The following INTS2 variants were observed in gnomAD, a reference collection of about 807,000 sequenced individuals.
INTS2 encodes the protein KIAA1287.
A neutral mutation model predicts 139.6 loss-of-function variants in INTS2; 57 were observed. The observed-to-expected ratio is 0.41, with a 90% CI of 0.33 to 0.51. The LOEUF (loss-of-function observed/expected upper bound fraction) is 0.51, where lower values mean the gene tolerates loss of function less well. Ranked by LOEUF, INTS2 falls within the 20% of genes least tolerant of loss-of-function variation. The pLI is 0.28. For synonymous variants in INTS2, 473 were observed against 493.4 expected, an observed-to-expected ratio of 0.96 and a Z score of 0.55; for missense variants, 1,196 against 1,436.7, an observed-to-expected ratio of 0.83 and a Z score of 2.71.
Position 61,897,159 on chromosome 17 carries a change from A to T in INTS2, c.1494+310T>A, listed in dbSNP as rs529954855. 6.6e-6 allele frequency among the ~76,000 whole-genome samples: 1 copy of T among 152,290 alleles called. No individual in the cohort carries two copies. The highest frequency in any genetic ancestry group is 2.4e-5 in the African/African-American group (1 of 41,582). Reference sequence around the variant, plus strand: ...ATGCTCATCATATATTAATTTTTTTAAATCATCAAATATGTACGTCACTTT... The same window carrying T: ...ATGCTCATCATATATTAATTTTTTTTAATCATCAAATATGTACGTCACTTT... On this transcript the variant is annotated intron_variant, in intron 11 of 24. Transcript: ENST00000251334. The surrounding 1 kb of genome is among the most constrained non-coding windows in gnomAD (Gnocchi z 4.4).
At position 61,911,517 on chromosome 17, in the gene INTS2, C is replaced by T; in HGVS notation, c.954+3G>A. 6.2e-7 allele frequency: 1 copy of T among 1,613,684 alleles called. No homozygotes were observed. ...TTAGCCTATACAGATATTTAACCCT[C>T]ACCTGCTGTCCATTTCGGATAAAAG... is the stretch of plus-strand genomic sequence containing the variant. On this transcript the variant is annotated splice_donor_region_variant and intron_variant, in intron 7 of 24. Coordinates refer to ENST00000251334, the MANE Select transcript of INTS2 (RefSeq NM_001351695.2).
At chr17:61,891,453 T>C (rs2079292699) in intron 14 of INTS2, 60 bp downstream of exon 14, 1 of 1,279,182 alleles carries the variant, frequency 7.8e-7, no homozygotes, top group Non-Finnish European at 1.1e-6. Context: ...AAAATATGGG[T>C]TAAGTAAGAA....
Position 61,909,500 on chromosome 17 carries a change from T to C in INTS2, c.955-1866A>G, listed in dbSNP as rs2079500718. 6.6e-6 allele frequency among the ~76,000 whole-genome samples: 1 copy of C among 152,288 alleles called. No homozygotes were observed. Among genetic ancestry groups the C allele is most frequent in the South Asian group, 2.1e-4 (1 of 4,824 alleles). ...GAAGTCTGGGCTGTTGGTGTAGTCA[T>C]CACCCTGATAGTATACCCTGTACCC... On this transcript the variant is annotated intron_variant, in intron 7 of 24. Coordinates refer to ENST00000251334, the MANE Select transcript of INTS2 (RefSeq NM_001351695.2). This position sits in a 1 kb window ranked among gnomAD's most constrained non-coding sequence, Gnocchi z 4.9.
intron 11 of INTS2, among the ~76,000 whole-genome samples, chr17:61,896,635 A>G (rs2079352803): frequency 6.6e-6 from 1 of 152,234 alleles, no homozygotes; most frequent in African/African-American, 2.4e-5. Context: ...AGCTTTTCAC[A>G]AAAGAAATAA....
intron 3 of INTS2, among the ~76,000 whole-genome samples, chr17:61,923,344 G>A (rs563607874): frequency 9.2e-5 from 14 of 151,498 alleles, no homozygotes; most frequent in Middle Eastern, 3.4e-3. Context: ...AGGCATGGTG[G>A]CGGGCACCTG....
At position 61,893,373 on chromosome 17, in the gene INTS2, A is replaced by C. The variant is rs1033490335; in HGVS notation, c.1698+392T>G. ...CCTACAAACTGAAATACAACTGGGGAGAAAGCATTAATTTAGGTTGTTCTT... is the reference window on the plus strand; with the variant it reads ...CCTACAAACTGAAATACAACTGGGGCGAAAGCATTAATTTAGGTTGTTCTT... On this transcript the variant is annotated intron_variant, in intron 13 of 24. Transcript: ENST00000251334. The surrounding 1 kb of genome is among the most constrained non-coding windows in gnomAD (Gnocchi z 5.4). Among the ~76,000 whole-genome samples the C allele has an allele frequency of 1.3e-5, 2 of 152,126 alleles. No individual in the cohort carries two copies. The highest frequency in any genetic ancestry group is 4.8e-5 in the African/African-American group (2 of 41,430).
rs753355779 is a variant in INTS2 at position 61,872,451 on chromosome 17, T to TG, written c.2591dup (p.Leu865ThrfsTer17). 2.5e-6 allele frequency: 4 copies of TG among 1,569,270 alleles called. No individual in the cohort carries two copies. The highest frequency in any genetic ancestry group is 1.2e-5 in the South Asian group (1 of 83,660). ...ACATGTGTAGGGTAATATCCATCAG[T>TG]GGGGGGCATCTAAACAAGGAAAGCA... On this transcript the variant is annotated frameshift_variant, in exon 20 of 25. Transcript: ENST00000251334. LOFTEE classifies it high-confidence loss of function. The surrounding 1 kb of genome is among the most constrained non-coding windows in gnomAD (Gnocchi z 4.8).
rs1375551903 is a variant in INTS2 at position 61,871,875 on chromosome 17, C to A, written c.2778+390G>T. 1 of 153,092 alleles carries A rather than the reference C, an allele frequency of 6.5e-6. No individual in the cohort carries two copies. The highest frequency in any genetic ancestry group is 2.4e-5 in the African/African-American group (1 of 41,412). The allele number at this position is 153,092 out of a possible 1,614,324, so 9.5% of individuals were successfully genotyped here. On this transcript the variant is annotated intron_variant, in intron 20 of 24. Coordinates refer to ENST00000251334, the MANE Select transcript of INTS2 (RefSeq NM_001351695.2). This position sits in a 1 kb window ranked among gnomAD's most constrained non-coding sequence, Gnocchi z 4.9. ...CTTGAACCCGGGAGGCGGATGTTGC[C>A]ATGAGCCAAGATTACACCTCTGCAC... is the stretch of plus-strand genomic sequence containing the variant.
In INTS2 at chr17:61,875,024, G is replaced by A. The variant is rs770165247; in HGVS notation, c.2471C>T (p.Thr824Met). Residue 824 changes from threonine (T) to methionine (M), a missense_variant, in exon 19 of 25, where the codon ACG (threonine) becomes ATG (methionine). Around this residue, in one of 3 missense-constraint regions of INTS2, gnomAD observed 1,129 missense variants for 1,341.9 expected, o/e 0.84. Coordinates refer to ENST00000251334, the MANE Select transcript of INTS2 (RefSeq NM_001351695.2). This position sits in a 1 kb window ranked among gnomAD's most constrained non-coding sequence, Gnocchi z 4.6. ...TVMPRRLWVMTVNALQPSIKF... is the reference protein window; with the variant it reads ...TVMPRRLWVMMVNALQPSIKF... ...TATTGAAGGCTGAAGTGCATTAACC[G>A]TCATTACCCATAGCCTGATAAGAAA... 4.4e-6 allele frequency: 7 copies of A among 1,592,902 alleles called. No homozygotes were observed. Among genetic ancestry groups the A allele is most frequent in the East Asian group, 2.3e-5 (1 of 44,320 alleles).
chr17:61,879,670 G>A (rs1359530061), intron 17 of INTS2, among the ~76,000 whole-genome samples: 1 of 152,072 alleles, frequency 6.6e-6, no homozygotes, highest in Non-Finnish European at 1.5e-5. Context: ...GGGCAACATG[G>A]CAACCCTTTC....
chr17:61,912,048 A>AT lies in INTS2; in HGVS notation c.671dup (p.Asn224LysfsTer7). 6.2e-7 allele frequency: 1 copy of AT among 1,613,630 alleles called. No individual in the cohort carries two copies. The highest frequency in any genetic ancestry group is 8.5e-7 in the Non-Finnish European group (1 of 1,179,740). ...GACTTTCTTCATCTTGTCGTTCTCCATTTTTTATCAGGCCCCTACAAACTA... is the reference window on the plus strand; with the variant it reads ...GACTTTCTTCATCTTGTCGTTCTCCATTTTTTTATCAGGCCCCTACAAACTA... On this transcript the variant is annotated frameshift_variant, in exon 6 of 25. Transcript: ENST00000251334. LOFTEE classifies it high-confidence loss of function.
rs1490130599 is a variant in INTS2 at position 61,872,437 on chromosome 17, G to A, written c.2606C>T (p.Thr869Ile). The change falls in exon 20 of 25, where the codon ACC becomes ATC. Residue 869 changes from threonine to isoleucine, a missense_variant. Thr to Ile is a moderately conservative substitution (Grantham distance 89, BLOSUM62 -1). Transcript: ENST00000251334. The surrounding 1 kb of genome is among the most constrained non-coding windows in gnomAD (Gnocchi z 4.8). The stretch of plus-strand genomic sequence containing the variant: ...AAGATATCCATTCAACATGTGTAGG[G>A]TAATATCCATCAGTGGGGGGCATCT... ...VHRCPPLMDITLHMLNGYLLA... is the reference protein window; with the variant it reads ...VHRCPPLMDIILHMLNGYLLA... 1 of 1,597,176 alleles carries A rather than the reference G, an allele frequency of 6.3e-7. No individual in the cohort carries two copies. The highest frequency in any genetic ancestry group is 8.6e-7 in the Non-Finnish European group (1 of 1,168,834).
intron 13 of INTS2, among the ~76,000 whole-genome samples, chr17:61,892,953 C>CAAAAA (rs58426330): frequency 6.8e-5 from 3 of 44,162 alleles, no homozygotes; most frequent in African/African-American, 1.0e-4. Flanking sequence ...GACTCCATCT[C>CAAAAA]AAAAAAAAAA....
Position 61,893,695 on chromosome 17 carries a change from A to T in INTS2, c.1698+70T>A. Reference sequence around the variant, plus strand: ...GGGTGACTGAGCAAGACTCCATCTCAAAAGAAAAAAAATATATATATAAAA... The same window carrying T: ...GGGTGACTGAGCAAGACTCCATCTCTAAAGAAAAAAAATATATATATAAAA... On this transcript the variant is annotated intron_variant, in intron 13 of 24. Coordinates refer to ENST00000251334, the MANE Select transcript of INTS2 (RefSeq NM_001351695.2). This position sits in a 1 kb window ranked among gnomAD's most constrained non-coding sequence, Gnocchi z 5.4. 1 of 1,225,052 alleles carries T rather than the reference A, an allele frequency of 8.2e-7. No individual in the cohort carries two copies. The highest frequency in any genetic ancestry group is 1.1e-6 in the Non-Finnish European group (1 of 940,578). The allele number at this position is 1,225,052 out of a possible 1,614,324, so 75.9% of individuals were successfully genotyped here.
At chr17:61,883,821 AT>A (rs1327806795) in intron 16 of INTS2, among the ~76,000 whole-genome samples, 2 of 151,826 alleles carry the variant, frequency 1.3e-5, no homozygotes, top group Admixed American at 1.3e-4. Context: ...ACACTCAAAC[AT>A]TAAAGAGGTA....
chr17:61,874,211 T>C (rs1051592237), intron 19 of INTS2: 4 of 152,198 alleles, frequency 2.6e-5, no homozygotes, highest in Non-Finnish European at 5.9e-5. Flanking sequence ...ACATTACCCA[T>C]GTCCCATCTC....
At position 61,871,159 on chromosome 17, in the gene INTS2, C is replaced by T. The variant is rs924638894; in HGVS notation, c.2778+1106G>A. On this transcript the variant is annotated intron_variant, in intron 20 of 24. Coordinates refer to ENST00000251334, the MANE Select transcript of INTS2 (RefSeq NM_001351695.2). The surrounding 1 kb of genome is among the most constrained non-coding windows in gnomAD (Gnocchi z 4.9). ...TTGTTGAGATGGAGTCTCGCTCTGT[C>T]GCCCAGGCTGTAGTGCAGAGGCACG... Among the ~76,000 whole-genome samples, 1 of 152,092 alleles carries T rather than the reference C, an allele frequency of 6.6e-6. No homozygotes were observed. Among genetic ancestry groups the T allele is most frequent in the Non-Finnish European group, 1.5e-5 (1 of 68,010 alleles).
intron 5 of INTS2, among the ~76,000 whole-genome samples, chr17:61,918,395 C>A (rs546840733): frequency 6.6e-6 from 1 of 152,262 alleles, no homozygotes; most frequent in Non-Finnish European, 1.5e-5. Flanking sequence ...GCATCCACCA[C>A]CAAGCCCAGC....
rs1054650280 is a variant in INTS2, at chr17:61,904,599, C to T, written c.1182-14G>A. ...TCTTCAGTTGGTCTAAAAAGGAATACATCATTAGGCTTTACATTTTTAGTT... is the reference window on the plus strand; with the variant it reads ...TCTTCAGTTGGTCTAAAAAGGAATATATCATTAGGCTTTACATTTTTAGTT... On this transcript the variant is annotated splice_polypyrimidine_tract_variant and intron_variant, in intron 8 of 24. Coordinates refer to ENST00000251334, the MANE Select transcript of INTS2 (RefSeq NM_001351695.2). The T allele has an allele frequency of 3.2e-6, 5 of 1,573,126 alleles. No individual in the cohort carries two copies. Among genetic ancestry groups the T allele is most frequent in the Non-Finnish European group, 4.3e-6 (5 of 1,162,442 alleles).
Sources: gnomAD v4.1 joint callset for allele counts (sites outside exome capture counted in the v4.1 genomes callset) on GRCh38, gnomAD v4.1.1 for gene constraint, gnomAD v4.1.1 regional missense constraint, Gnocchi (gnomAD v3.1) non-coding constraint, MANE v1.5 for transcripts, NCBI Gene and HGNC (gene_info 2026-07-23, HGNC 2026-07-21) for gene names.